AKT3: variants seen among roughly 807,000 people sequenced by gnomAD.
AKT3 encodes RAC-gamma serine/threonine-protein kinase.
In AKT3, 15 loss-of-function variants were observed where a neutral mutation model predicts 65.3. The ratio of observed to expected loss-of-function variants is 0.23; its 90% CI spans 0.15 to 0.35. The LOEUF is 0.35. Ranked by LOEUF, AKT3 falls within the 10% of genes least tolerant of loss-of-function variation. The probability of loss-of-function intolerance (pLI) is 1.00; values close to 1 mark genes in which losing one functional copy is unlikely to be tolerated. For missense variants in AKT3, 243 were observed against 576.5 expected (o/e 0.42, Z 5.92); for synonymous variants, 206 against 183.8 (o/e 1.12, Z -0.98).
chr1:243,567,032 C>T lies in AKT3; in HGVS notation c.820-3184G>A, dbSNP rs573276910. The stretch of plus-strand genomic sequence containing the variant: ...CAGTGGCTCATGCCTGTAATCCCAA[C>T]AATTTGAGAGGCTGAGGCAGGCAGA... On this transcript the variant is annotated intron_variant, in intron 9 of 13. Transcript: ENST00000673466. 2.0e-5 allele frequency among the ~76,000 whole-genome samples: 3 copies of T among 152,288 alleles called. No individual in the cohort carries two copies. The East Asian group carries it at 5.8e-4, about 29-fold the overall frequency.
rs79619579 is a variant in AKT3 at position 243,720,815 on chromosome 1, G to C, written c.47-25099C>G. On this transcript the variant is annotated intron_variant, in intron 2 of 13. Coordinates refer to ENST00000673466, the MANE Select transcript of AKT3 (RefSeq NM_005465.7). ...TATTCCCAGATGGTCCAACTATTCC[G>C]AAAAGCTCACGGTATATACTCTTGA... Among the ~76,000 whole-genome samples the C allele has an allele frequency of 4.6e-3, 695 of 152,086 alleles. 6 individuals carry two copies. Among genetic ancestry groups the C allele is most frequent in the African/African-American group, 0.016 (664 of 41,472 alleles).
At chr1:243,663,998 C>T (rs1009468472) in intron 4 of AKT3, among the ~76,000 whole-genome samples, 13 of 152,036 alleles carry the variant, frequency 8.6e-5, no homozygotes, top group Admixed American at 3.3e-4. Flanking sequence ...GCTAATTAAT[C>T]CTCTCTCCCG....
intron 2 of AKT3, among the ~76,000 whole-genome samples, chr1:243,811,217 A>G (rs945645937): frequency 1.7e-4 from 26 of 152,184 alleles, no homozygotes; most frequent in African/African-American, 6.3e-4. Flanking sequence ...TCAGTTAGGA[A>G]AAGAGGAAGT....
chr1:243,492,742 G>A (rs905962844), intron 13 of AKT3, among the ~76,000 whole-genome samples: 2 of 150,950 alleles, frequency 1.3e-5, no homozygotes, highest in African/African-American at 4.9e-5. Flanking sequence ...CAAGTAGCTG[G>A]GATTACAGGT....
At chr1:243,532,574 T>G (rs1671616237) in intron 12 of AKT3, among the ~76,000 whole-genome samples, 1 of 152,212 alleles carries the variant, frequency 6.6e-6, no homozygotes, top group Admixed American at 6.5e-5. Context: ...TTAAGAAATT[T>G]TGCATCTGTA....
At chr1:243,594,787 C>T (rs554050718) in intron 8 of AKT3, among the ~76,000 whole-genome samples, 2 of 152,000 alleles carry the variant, frequency 1.3e-5, no homozygotes, top group Non-Finnish European at 2.9e-5. Context: ...GCTGTGTTGC[C>T]CAGGCTGGTC....
intron 2 of AKT3, among the ~76,000 whole-genome samples, chr1:243,830,141 C>T (rs1230611053): frequency 1.3e-5 from 2 of 152,184 alleles, no homozygotes; most frequent in Admixed American, 6.5e-5. Context: ...CACTTACAGA[C>T]TTTTTTCTTG....
intron 2 of AKT3, among the ~76,000 whole-genome samples, chr1:243,836,276 A>C (rs1694883457): frequency 6.6e-6 from 1 of 152,188 alleles, no homozygotes; most frequent in African/African-American, 2.4e-5. Context: ...TCCAAGATAA[A>C]GAGTGTCACT....
chr1:243,580,395 G>C (rs1170710481), intron 8 of AKT3, among the ~76,000 whole-genome samples: 1 of 152,138 alleles, frequency 6.6e-6, no homozygotes, highest in Non-Finnish European at 1.5e-5. Flanking sequence ...CACTGTGACG[G>C]AAAAAGCTGA....
chr1:243,640,183 CAT>C (rs1360071241), intron 5 of AKT3, among the ~76,000 whole-genome samples: 1 of 152,094 alleles, frequency 6.6e-6, no homozygotes, highest in Non-Finnish European at 1.5e-5. Context: ...AAAAATCAAA[CAT>C]GTAGCTCTAA....
intron 8 of AKT3, among the ~76,000 whole-genome samples, chr1:243,610,272 T>A (rs1292092015): frequency 6.6e-6 from 1 of 152,218 alleles, no homozygotes; most frequent in African/African-American, 2.4e-5. Flanking sequence ...CCTGAGGGAA[T>A]GTTCATCCAT....
downstream of AKT3, among the ~76,000 whole-genome samples, chr1:243,498,888 T>TATC (rs929748221): frequency 6.6e-6 from 1 of 152,160 alleles, no homozygotes; most frequent in African/African-American, 2.4e-5. Flanking sequence ...CGTCCCAATT[T>TATC]ATCTGACGTA....
At chr1:243,820,475 T>C (rs184558357) in intron 2 of AKT3, among the ~76,000 whole-genome samples, 1 of 152,272 alleles carries the variant, frequency 6.6e-6, no homozygotes, top group Admixed American at 6.5e-5. Flanking sequence ...AGAAGTAGGC[T>C]TCAGAAGGTG....
intron 4 of AKT3, among the ~76,000 whole-genome samples, chr1:243,648,521 T>A (rs778964899): frequency 2.6e-5 from 4 of 152,174 alleles, no homozygotes; most frequent in South Asian, 4.1e-4. Context: ...ACAAGTGTAT[T>A]GGGCTATAGT....
chr1:243,661,384 G>A (rs574188706), intron 4 of AKT3, among the ~76,000 whole-genome samples: 18 of 151,550 alleles, frequency 1.2e-4, no homozygotes, highest in African/African-American at 2.2e-4. Flanking sequence ...AACAGAACAG[G>A]GCCCTCAGAA....
chr1:243,786,794 G>A (rs1024440603), intron 2 of AKT3, among the ~76,000 whole-genome samples: 10 of 152,148 alleles, frequency 6.6e-5, no homozygotes, highest in African/African-American at 2.4e-4. Flanking sequence ...CAGGTCTCTT[G>A]TTCTGCCCTT....
intron 6 of AKT3, among the ~76,000 whole-genome samples, chr1:243,625,912 G>T (rs1212164504): frequency 6.6e-6 from 1 of 152,226 alleles, no homozygotes; most frequent in African/African-American, 2.4e-5. Flanking sequence ...GGTGGACTGG[G>T]TAAAAGCCAC....
chr1:243,723,311 G>A (rs1223964315), intron 2 of AKT3, among the ~76,000 whole-genome samples: 1 of 152,002 alleles, frequency 6.6e-6, no homozygotes, highest in Admixed American at 6.6e-5. Context: ...TTCAGAAAAA[G>A]AAGAAAGAAA....
intron 8 of AKT3, among the ~76,000 whole-genome samples, chr1:243,587,821 G>C (rs544283727): frequency 5.9e-5 from 9 of 151,934 alleles, no homozygotes; most frequent in Non-Finnish European, 1.3e-4. Context: ...ATATTTTTTA[G>C]TTAACTACTA....
Sources: gnomAD v4.1 joint callset for allele counts (sites outside exome capture counted in the v4.1 genomes callset) on GRCh38, gnomAD v4.1.1 for gene constraint, MANE v1.5 for transcripts, NCBI Gene and HGNC (gene_info 2026-07-23, HGNC 2026-07-21) for gene names.